Variants in WWOX observed in about 807,000 individuals in gnomAD.
The protein encoded by WWOX is WW domain-containing oxidoreductase.
In WWOX, 69 loss-of-function variants were observed where a neutral mutation model predicts 46.2. That is an observed-to-expected ratio of 1.49 (90% CI 1.23 to 1.82). WWOX has a LOEUF of 1.82. Among genes scored for constraint, WWOX ranks in the 40% most tolerant of loss-of-function variants. WWOX has a pLI of 0.00. For missense variants in WWOX, 919 were observed against 542.6 expected (o/e 1.69, Z -6.89); for synonymous variants, 359 against 202.6 (o/e 1.77, Z -6.56).
intron 8 of WWOX, among the ~76,000 whole-genome samples, chr16:78,814,300 C>A (rs1042316268): frequency 5.3e-5 from 8 of 152,010 alleles, no homozygotes; most frequent in South Asian, 2.1e-4. Flanking sequence ...CCTTTTTATC[C>A]TCCTGGTGAA....
chr16:78,782,461 C>G (rs532847532), intron 8 of WWOX, among the ~76,000 whole-genome samples: 135 of 152,262 alleles, frequency 8.9e-4, no homozygotes, highest in African/African-American at 3.2e-3. Flanking sequence ...CCACAGCATT[C>G]CAACGATTCT....
intron 8 of WWOX, among the ~76,000 whole-genome samples, chr16:78,902,715 G>A (rs750751572): frequency 4.6e-5 from 7 of 152,228 alleles, no homozygotes; most frequent in Non-Finnish European, 7.3e-5. Flanking sequence ...CAGGGAAAAA[G>A]GCCAGGTCTT....
At chr16:78,158,178 A>G (rs2034667221) in intron 4 of WWOX, among the ~76,000 whole-genome samples, 1 of 152,210 alleles carries the variant, frequency 6.6e-6, no homozygotes, top group South Asian at 2.1e-4. Flanking sequence ...TGGGAGTGAT[A>G]TGAATGAATG....
chr16:79,024,196 T>G (rs1373958291), intron 8 of WWOX, among the ~76,000 whole-genome samples: 2 of 152,156 alleles, frequency 1.3e-5, no homozygotes, highest in African/African-American at 4.8e-5. Context: ...TTGTACAACC[T>G]TGTAAATATA....
chr16:78,635,873 A>T (rs1361941309), intron 8 of WWOX, among the ~76,000 whole-genome samples: 4 of 152,140 alleles, frequency 2.6e-5, no homozygotes, highest in African/African-American at 7.2e-5. Context: ...TTGGAGGGGA[A>T]AAAGATGCTT....
At chr16:78,790,458 A>G (rs1004375248) in intron 8 of WWOX, among the ~76,000 whole-genome samples, 3 of 152,138 alleles carry the variant, frequency 2.0e-5, no homozygotes, top group Non-Finnish European at 2.9e-5. Context: ...TTTAGTCTAC[A>G]CACAGTGAAC....
At chr16:78,877,984 GATGATTTT>G (rs1274163905) in intron 8 of WWOX, among the ~76,000 whole-genome samples, 6 of 152,230 alleles carry the variant, frequency 3.9e-5, no homozygotes, top group Admixed American at 2.6e-4. Flanking sequence ...TTACAGGTCA[GATGATTTT>G]GTTTTTATAG....
intron 8 of WWOX, among the ~76,000 whole-genome samples, chr16:78,633,155 G>A (rs2004941): frequency 1.8e-4 from 27 of 152,142 alleles, no homozygotes; most frequent in African/African-American, 5.1e-4. Context: ...CCAGTTACTC[G>A]GGAGGCTGAG....
chr16:78,931,811 T>C (rs913705976), intron 8 of WWOX, among the ~76,000 whole-genome samples: 1 of 152,152 alleles, frequency 6.6e-6, no homozygotes, highest in Admixed American at 6.5e-5. Flanking sequence ...CCAAGTCTCA[T>C]CTTGAACTTT....
intron 8 of WWOX, among the ~76,000 whole-genome samples, chr16:79,085,350 G>A (rs1350729046): frequency 1.3e-5 from 2 of 152,146 alleles, no homozygotes; most frequent in East Asian, 3.9e-4. Context: ...AATGATATGA[G>A]GTTGAAGTGG....
intron 8 of WWOX, among the ~76,000 whole-genome samples, chr16:78,464,133 T>C (rs868404924): frequency 1.3e-5 from 2 of 152,064 alleles, no homozygotes; most frequent in Non-Finnish European, 2.9e-5. Context: ...AGATGTGGCA[T>C]GAGGAACACT....
At chr16:79,144,325 G>T (rs776568322) in intron 8 of WWOX, among the ~76,000 whole-genome samples, 4 of 152,230 alleles carry the variant, frequency 2.6e-5, no homozygotes, top group African/African-American at 4.8e-5. Flanking sequence ...ATAGATGGGA[G>T]AAATTAATAG....
chr16:78,887,518 C>CATAT (rs1199309440), intron 8 of WWOX, among the ~76,000 whole-genome samples: 29 of 147,458 alleles, frequency 2.0e-4, no homozygotes, highest in African/African-American at 6.1e-4. Flanking sequence ...CACACACACA[C>CATAT]AAGAAATGAC....
At chr16:78,385,325 T>C (rs2151932840) in intron 5 of WWOX, among the ~76,000 whole-genome samples, 1 of 152,312 alleles carries the variant, frequency 6.6e-6, no homozygotes, top group South Asian at 2.1e-4. Context: ...TATTGCCAAG[T>C]GGCATCGGGA....
chr16:79,036,962 C>T (rs1472175654), intron 8 of WWOX, among the ~76,000 whole-genome samples: 4 of 152,306 alleles, frequency 2.6e-5, no homozygotes, highest in South Asian at 2.1e-4. Flanking sequence ...CTCCATTTAG[C>T]CACACAAAAG....
At chr16:79,186,015 T>C (rs1183877169) in intron 8 of WWOX, among the ~76,000 whole-genome samples, 3 of 152,016 alleles carry the variant, frequency 2.0e-5, no homozygotes, top group Admixed American at 2.0e-4. Flanking sequence ...CTTGAGAAGG[T>C]ACATTCAGAG....
At position 78,345,172 on chromosome 16, in the gene WWOX, G is replaced by A. The variant is rs577719172; in HGVS notation, c.517-41688G>A. 2.6e-4 allele frequency among the ~76,000 whole-genome samples: 31 copies of A among 117,578 alleles called. 5 individuals are homozygous for A. Among genetic ancestry groups the A allele is most frequent in the African/African-American group, 8.6e-4 (30 of 34,700 alleles). 77.1% of individuals were successfully genotyped at this position (117,578 alleles called of 152,430 possible). A position where few individuals can be genotyped will look rare whatever the true frequency, so the allele number is the denominator to read the frequency against. On this transcript the variant is annotated intron_variant, in intron 5 of 8. Transcript: ENST00000566780. Reference sequence around the variant, plus strand: ...AGGTGGCTGAGGAGCAGTACATGGGGGTATACAGAGTGCAGGCCTCAGAAC... The same window carrying A: ...AGGTGGCTGAGGAGCAGTACATGGGAGTATACAGAGTGCAGGCCTCAGAAC...
rs1419045896 is a variant in WWOX at position 78,702,044 on chromosome 16, T to TATATATATATATAA, written c.1056+269293_1056+269294insTATATATATATAAA. ...ATATATATATATATATATATATATA[T>TATATATATATATAA]AAAATAATGCAGAAGTTTTATATAT... On this transcript the variant is annotated intron_variant, in intron 8 of 8. Transcript: ENST00000566780. Among the ~76,000 whole-genome samples, 19 of 109,978 alleles carry TATATATATATATAA rather than the reference T, an allele frequency of 1.7e-4. 1 individual carries two copies. The highest frequency in any genetic ancestry group is 6.9e-4 in the African/African-American group (18 of 26,074). The allele number at this position is 109,978 out of a possible 152,430, so 72.1% of individuals were successfully genotyped here.
At chr16:78,666,777 T>G (rs17708261) in intron 8 of WWOX, among the ~76,000 whole-genome samples, 5,697 of 152,258 alleles carry the variant, frequency 0.037, 149 homozygotes, top group Non-Finnish European at 0.059. Flanking sequence ...CTGGAGAGAT[T>G]AGTGATTGAA....
Sources: allele counts gnomAD v4.1 joint callset (sites outside exome capture counted in the v4.1 genomes callset), GRCh38; gene constraint gnomAD v4.1.1; transcripts MANE v1.5; gene names NCBI Gene and HGNC (gene_info 2026-07-23, HGNC 2026-07-21).